Variants in PGRMC2 observed in about 807,000 individuals in gnomAD.
PGRMC2 encodes the protein progesterone receptor membrane component 2.
In PGRMC2, 9 loss-of-function variants were observed where a neutral mutation model predicts 19.3. The observed-to-expected ratio is 0.47, with a 90% CI of 0.28 to 0.81. The LOEUF is 0.81. Ranked by LOEUF, PGRMC2 falls within the 40% of genes least tolerant of loss-of-function variation. PGRMC2 has a pLI of 0.11. For missense variants in PGRMC2, 289 were observed against 297.3 expected (o/e 0.97, Z 0.21); for synonymous variants, 157 against 124.6 (o/e 1.26, Z -1.73).
chr4:128,281,402 T>C (rs1052635777), intron 1 of PGRMC2, among the ~76,000 whole-genome samples: 35 of 152,126 alleles, frequency 2.3e-4, no homozygotes, highest in Admixed American at 2.2e-3. Context: ...TTCAGAAGCA[T>C]AGGATAGTCA....
chr4:128,271,509 A>C (rs1760729508), intron 2 of PGRMC2, 96 bp from the exon 3 acceptor site: 4 of 602,224 alleles, frequency 6.6e-6, no homozygotes, highest in Admixed American at 3.0e-5. Context: ...AGAATCATAT[A>C]AAATATGATT....
At position 128,272,452 on chromosome 4, in the gene PGRMC2, T is replaced by C. The variant is rs766643459; in HGVS notation, c.484A>G (p.Lys162Glu). ...SRGLATFCLD[K>E]DALRDEYDDL... ...TCATATTCATCTCTAAGTGCATCTTTATCTAGGCAAAATGTGGCCAGTCCT... is the reference window on the plus strand; with the variant it reads ...TCATATTCATCTCTAAGTGCATCTTCATCTAGGCAAAATGTGGCCAGTCCT... The change falls in exon 2 of 3, where the codon AAA becomes GAA. Residue 162 changes from lysine (K) to glutamate (E), a missense_variant. Transcript: ENST00000296425. 13 of 1,589,114 alleles carry C rather than the reference T, an allele frequency of 8.2e-6. No homozygotes were observed. The highest frequency in any genetic ancestry group is 1.4e-5 in the African/African-American group (1 of 73,746).
chr4:128,278,081 TG>T (rs757311179), intron 1 of PGRMC2, among the ~76,000 whole-genome samples: 10 of 152,132 alleles, frequency 6.6e-5, no homozygotes, highest in Non-Finnish European at 1.3e-4. Context: ...ATGGGTAGGC[TG>T]GGGTAAAGAA....
chr4:128,281,509 C>T (rs1252452078), intron 1 of PGRMC2, among the ~76,000 whole-genome samples: 2 of 151,782 alleles, frequency 1.3e-5, no homozygotes, highest in Non-Finnish European at 2.9e-5. Context: ...AAAAATCAAT[C>T]AGAGAAGGAA....
intron 1 of PGRMC2, among the ~76,000 whole-genome samples, chr4:128,279,633 T>C (rs1760873804): frequency 6.6e-6 from 1 of 152,242 alleles, no homozygotes; most frequent in African/African-American, 2.4e-5. Flanking sequence ...AAAACAAATG[T>C]TAACAGTGGA....
intron 1 of PGRMC2, among the ~76,000 whole-genome samples, chr4:128,283,245 T>A (rs1015740624): frequency 6.6e-6 from 1 of 152,218 alleles, no homozygotes; most frequent in Non-Finnish European, 1.5e-5. Context: ...ATGGGAAGGA[T>A]TGAAGCTATG....
At chr4:128,286,115 A>G (rs1760978866) in intron 1 of PGRMC2, among the ~76,000 whole-genome samples, 1 of 105,472 alleles carries the variant, frequency 9.5e-6, no homozygotes, top group Admixed American at 1.1e-4. Context: ...AATAAATCTT[A>G]TACACCTACA....
chr4:128,271,274 A>G lies in PGRMC2; in HGVS notation c.*42T>C. On this transcript the variant is annotated 3_prime_UTR_variant, in exon 3 of 3. Coordinates refer to ENST00000296425, the MANE Select transcript of PGRMC2 (RefSeq NM_006320.6). ...GGACAGTCTGTGAAAGGGAGTAAGA[A>G]TTGCAGTTCTGAAGGCCCCTGACTT... is the stretch of plus-strand genomic sequence containing the variant. 9.8e-7 allele frequency: 1 copy of G among 1,016,716 alleles called. No individual in the cohort carries two copies. Among genetic ancestry groups the G allele is most frequent in the South Asian group, 1.4e-5 (1 of 72,964 alleles). The allele number at this position is 1,016,716 out of a possible 1,614,324, so 63.0% of individuals were successfully genotyped here.
chr4:128,271,739 C>T (rs1398294692), intron 2 of PGRMC2, among the ~76,000 whole-genome samples: 2 of 152,118 alleles, frequency 1.3e-5, no homozygotes, highest in Non-Finnish European at 2.9e-5. Context: ...ATCTCAGTAC[C>T]CAGCTAAACC....
At chr4:128,283,161 A>G (rs1436933555) in intron 1 of PGRMC2, among the ~76,000 whole-genome samples, 2 of 152,258 alleles carry the variant, frequency 1.3e-5, no homozygotes, top group Admixed American at 6.5e-5. Flanking sequence ...GTTAAAAATT[A>G]TACTAGCTGT....
chr4:128,272,600 A>C (rs1051900491), intron 1 of PGRMC2, 83 bp from the exon 2 acceptor site: 11 of 910,718 alleles, frequency 1.2e-5, no homozygotes, highest in Non-Finnish European at 1.5e-5. Flanking sequence ...AAAAAAAAAA[A>C]AAACACAACA....
intron 1 of PGRMC2, among the ~76,000 whole-genome samples, chr4:128,280,565 A>G (rs1460439406): frequency 6.6e-6 from 1 of 152,096 alleles, no homozygotes; most frequent in Non-Finnish European, 1.5e-5. Context: ...CAAGTGGAAG[A>G]CAGTGGCATA....
intron 1 of PGRMC2, among the ~76,000 whole-genome samples, chr4:128,275,020 A>C (rs1023865506): frequency 6.6e-6 from 1 of 152,168 alleles, no homozygotes; most frequent in Non-Finnish European, 1.5e-5. Context: ...CCTCCAGTGT[A>C]CCTCAAGAAA....
rs1050319235 is a variant in PGRMC2, at chr4:128,270,691, A to G, written c.*625T>C. 6.6e-6 allele frequency: 1 copy of G among 152,390 alleles called. No individual in the cohort carries two copies. The highest frequency in any genetic ancestry group is 1.5e-5 in the Non-Finnish European group (1 of 68,030). The allele number at this position is 152,390 out of a possible 1,614,324, so 9.4% of individuals were successfully genotyped here. ...TCTTTCTGTTGGGGAACTAGCTCTGACTTAAACCCACCTGAAATTCCTTCT... is the reference window on the plus strand; with the variant it reads ...TCTTTCTGTTGGGGAACTAGCTCTGGCTTAAACCCACCTGAAATTCCTTCT... On this transcript the variant is annotated 3_prime_UTR_variant, in exon 3 of 3. Transcript: ENST00000296425.
Position 128,287,578 on chromosome 4 carries a change from C to G in PGRMC2, c.213G>C (p.Leu71=). The G allele has an allele frequency of 6.5e-7, 1 of 1,533,912 alleles. No individual in the cohort carries two copies. The highest frequency in any genetic ancestry group is 8.8e-7 in the Non-Finnish European group (1 of 1,140,430). Residue 71 remains leucine (L), a synonymous_variant, in exon 1 of 3, where the codon CTG becomes CTC. Transcript: ENST00000296425. ...GACCCCGCCGCCCCCAGCGCACCCA[C>G]AGCCGGTAGGCCCCCAGCAGCACCA... ...VALVLLGAYR[L]WVRWGRRGLG... is the part of the protein sequence containing the mutation.
At chr4:128,275,107 C>A (rs1160709722) in intron 1 of PGRMC2, among the ~76,000 whole-genome samples, 1 of 152,208 alleles carries the variant, frequency 6.6e-6, no homozygotes, top group East Asian at 1.9e-4. Flanking sequence ...TACAAAATTT[C>A]AAGGGAATGA....
At chr4:128,276,317 T>C (rs995809858) in intron 1 of PGRMC2, among the ~76,000 whole-genome samples, 16 of 151,820 alleles carry the variant, frequency 1.1e-4, no homozygotes, top group African/African-American at 2.2e-4. Context: ...GTCTGTTGCA[T>C]GGTATAATTT....
chr4:128,286,183 G>C (rs1042163731), intron 1 of PGRMC2, among the ~76,000 whole-genome samples: 5 of 151,720 alleles, frequency 3.3e-5, no homozygotes, highest in African/African-American at 1.2e-4. Context: ...TGACTTTAAG[G>C]CTTGGAGGTA....
intron 1 of PGRMC2, among the ~76,000 whole-genome samples, chr4:128,274,956 G>A (rs1361948545): frequency 6.6e-6 from 1 of 152,140 alleles, no homozygotes. Flanking sequence ...CATTCAGTGT[G>A]ATTTGCCTAA....
Sources: gnomAD v4.1 joint callset for allele counts (sites outside exome capture counted in the v4.1 genomes callset) on GRCh38, gnomAD v4.1.1 for gene constraint, MANE v1.5 for transcripts, NCBI Gene and HGNC (gene_info 2026-07-23, HGNC 2026-07-21) for gene names.